The following RFFL variants were observed in gnomAD, a reference collection of about 807,000 sequenced individuals.
The protein encoded by RFFL is E3 ubiquitin-protein ligase rififylin.
RFFL carries 16 observed loss-of-function variants against 40.4 expected under a neutral mutation model. The observed-to-expected ratio is 0.40, with a 90% confidence interval of 0.27 to 0.60. The LOEUF (loss-of-function observed/expected upper bound fraction) is 0.60. Among genes scored for constraint, RFFL ranks in the 20% least tolerant of loss-of-function variants. RFFL has a pLI of 0.47. For missense variants in RFFL, 367 were observed against 451.7 expected (o/e 0.81, Z 1.70); for synonymous variants, 154 against 167.9 (o/e 0.92, Z 0.64).
intron 1 of RFFL, among the ~76,000 whole-genome samples, chr17:35,029,770 C>T (rs925984031): frequency 2.6e-5 from 4 of 151,346 alleles, no homozygotes; most frequent in Admixed American, 1.3e-4. Context: ...ATATATGTGC[C>T]ATGCTGGTGT....
At chr17:35,050,714 G>T (rs1224145912) in intron 1 of RFFL, among the ~76,000 whole-genome samples, 2 of 151,900 alleles carry the variant, frequency 1.3e-5, no homozygotes, top group East Asian at 3.9e-4. Context: ...AGGCACAATG[G>T]CACATGCCAG....
intron 1 of RFFL, among the ~76,000 whole-genome samples, chr17:35,079,382 A>G (rs1054336459): frequency 3.3e-5 from 5 of 152,200 alleles, no homozygotes; most frequent in Non-Finnish European, 1.5e-5. Context: ...TTTTTTTGCT[A>G]GCATTTCCAC....
At chr17:35,085,884 A>T (rs2091426802) in intron 1 of RFFL, among the ~76,000 whole-genome samples, 1 of 152,252 alleles carries the variant, frequency 6.6e-6, no homozygotes, top group African/African-American at 2.4e-5. Flanking sequence ...GAAGAACTTC[A>T]TGACAGTCTT....
intron 1 of RFFL, among the ~76,000 whole-genome samples, 174 bp from the exon 2 acceptor site, chr17:35,026,735 T>C (rs2091043580): frequency 6.6e-6 from 1 of 152,212 alleles, no homozygotes; most frequent in Non-Finnish European, 1.5e-5. Context: ...GATGGAGTTT[T>C]GCTCTTGTTG....
At chr17:35,035,603 C>T (rs1242972048) in intron 1 of RFFL, among the ~76,000 whole-genome samples, 3 of 150,902 alleles carry the variant, frequency 2.0e-5, no homozygotes, top group South Asian at 2.1e-4. Flanking sequence ...CAAAGTCAGC[C>T]GACTAGGCTT....
At chr17:35,022,175 G>A (rs940742141) in intron 2 of RFFL, among the ~76,000 whole-genome samples, 8 of 152,238 alleles carry the variant, frequency 5.3e-5, no homozygotes, top group South Asian at 2.1e-4. Flanking sequence ...AGCCTCTCTG[G>A]TGCTCAGTTT....
chr17:35,071,178 A>G (rs950597246), intron 1 of RFFL, among the ~76,000 whole-genome samples: 7 of 150,912 alleles, frequency 4.6e-5, no homozygotes, highest in Non-Finnish European at 8.9e-5. Context: ...AGCCTAGGCT[A>G]CAGAGCAAGA....
intron 1 of RFFL, among the ~76,000 whole-genome samples, chr17:35,083,921 C>G (rs2091415861): frequency 1.3e-5 from 2 of 152,012 alleles, no homozygotes; most frequent in African/African-American, 4.8e-5. Flanking sequence ...GGTTCCCAAA[C>G]TTGACTGCAC....
chr17:35,083,054 C>T (rs1307482468), intron 1 of RFFL, among the ~76,000 whole-genome samples: 6 of 152,200 alleles, frequency 3.9e-5, no homozygotes, highest in African/African-American at 4.8e-5. Context: ...CTATTTGTTA[C>T]GCACCTATTA....
Position 35,016,866 on chromosome 17 carries a change from T to C in RFFL, c.676-286A>G, listed in dbSNP as rs114704816. Among the ~76,000 whole-genome samples, 507 of 152,284 alleles carry C rather than the reference T, an allele frequency of 3.3e-3. 2 individuals are homozygous for C. The highest frequency in any genetic ancestry group is 0.012 in the African/African-American group (488 of 41,552). On this transcript the variant is annotated intron_variant, in intron 4 of 6. Coordinates refer to ENST00000394597, the MANE Select transcript of RFFL (RefSeq NM_001017368.2). ...GTAGAAGGAGTGCTGGTTTGAGTCATATGACCCTAATTTTGAATCTTGACT... is the reference window on the plus strand; with the variant it reads ...GTAGAAGGAGTGCTGGTTTGAGTCACATGACCCTAATTTTGAATCTTGACT...
At chr17:35,082,890 C>T (rs1441353334) in intron 1 of RFFL, among the ~76,000 whole-genome samples, 2 of 151,984 alleles carry the variant, frequency 1.3e-5, no homozygotes, top group African/African-American at 4.8e-5. Flanking sequence ...GTGGGGGAGT[C>T]AGAATTCAAA....
chr17:35,072,083 C>G (rs1287848522), intron 1 of RFFL, among the ~76,000 whole-genome samples: 6 of 151,994 alleles, frequency 3.9e-5, no homozygotes, highest in African/African-American at 9.7e-5. Flanking sequence ...GAGTTCAAGA[C>G]CAGCCTGGGC....
Position 35,026,448 on chromosome 17 carries a change from A to C in RFFL, c.106T>G (p.Ser36Ala), listed in dbSNP as rs2091041417. 6.2e-7 allele frequency: 1 copy of C among 1,613,884 alleles called. No homozygotes were observed. Among genetic ancestry groups the C allele is most frequent in the East Asian group, 2.2e-5 (1 of 44,828 alleles). ...MQAYSNPGYS[S>A]FPSPTGLEPS... ...TCCAAGCCTGTTGGGGAAGGGAAGG[A>C]GCTGTACCCAGGGTTGGAATAGGCC... The change falls in exon 2 of 7, where the codon TCC becomes GCC. Residue 36 changes from serine to alanine, a missense_variant. Physicochemically the swap from Ser to Ala is moderately conservative, Grantham distance 99. Coordinates refer to ENST00000394597, the MANE Select transcript of RFFL (RefSeq NM_001017368.2).
At chr17:35,062,246 T>C (rs779228254) in intron 1 of RFFL, among the ~76,000 whole-genome samples, 6 of 151,604 alleles carry the variant, frequency 4.0e-5, no homozygotes, top group Non-Finnish European at 8.8e-5. Context: ...CTACTAAAAA[T>C]ACAAAAATTA....
At position 35,042,610 on chromosome 17, in the gene RFFL, G is replaced by A. The variant is rs116334527; in HGVS notation, c.-8-16049C>T. On this transcript the variant is annotated intron_variant, in intron 1 of 6. Coordinates refer to ENST00000394597, the MANE Select transcript of RFFL (RefSeq NM_001017368.2). ...GCCAAGGCAGGCGGATCACCTGAGC[G>A]CCCAGGAGTTCGAGACCAGCCCAGC... 6.4e-3 allele frequency among the ~76,000 whole-genome samples: 968 copies of A among 152,034 alleles called. 10 individuals carry two copies. Among genetic ancestry groups the A allele is most frequent in the African/African-American group, 0.022 (913 of 41,474 alleles).
rs187871307 is a variant in RFFL, at chr17:35,031,124, T to G, written c.-8-4563A>C. On this transcript the variant is annotated intron_variant, in intron 1 of 6. Transcript: ENST00000394597. The stretch of plus-strand genomic sequence containing the variant: ...TGTAGGCAATTCACTAACTTTTTTT[T>G]GGGATGGAGTCTCCTTCTGTCGCCC... 2.4e-3 allele frequency among the ~76,000 whole-genome samples: 364 copies of G among 152,128 alleles called. 1 individual carries two copies. The highest frequency in any genetic ancestry group is 3.5e-3 in the Non-Finnish European group (239 of 68,014).
At chr17:35,018,802 C>A (rs78643665) in intron 3 of RFFL, 3,517 of 152,376 alleles carry the variant, frequency 0.023, 58 homozygotes, top group Non-Finnish European at 0.035. Flanking sequence ...TCTTAGCTTA[C>A]TGTAGATCCT....
At chr17:35,050,407 G>A (rs2091224956) in intron 1 of RFFL, among the ~76,000 whole-genome samples, 1 of 151,956 alleles carries the variant, frequency 6.6e-6, no homozygotes, top group African/African-American at 2.4e-5. Flanking sequence ...TGGTGTCAAG[G>A]CTGGACTGTA....
chr17:35,012,189 G>T (rs1468441354), intron 6 of RFFL, 40 bp from the exon 7 acceptor site: 4 of 1,586,630 alleles, frequency 2.5e-6, no homozygotes, highest in Non-Finnish European at 3.4e-6. Context: ...GGGCAGAGGA[G>T]TGAGGAGAAT....
Sources: gnomAD v4.1 joint callset for allele counts (sites outside exome capture counted in the v4.1 genomes callset) on GRCh38, gnomAD v4.1.1 for gene constraint, MANE v1.5 for transcripts, NCBI Gene and HGNC (gene_info 2026-07-23, HGNC 2026-07-21) for gene names.